Variants in CFAP20DC observed in about 807,000 individuals in gnomAD.
The protein encoded by CFAP20DC is protein CFAP20DC.
Under a neutral mutation model 101.7 loss-of-function variants are expected in CFAP20DC, and 84 were observed. That is an observed-to-expected ratio of 0.83 (90% CI 0.69 to 0.99). The LOEUF (loss-of-function observed/expected upper bound fraction) is 0.99. Ranked by LOEUF, CFAP20DC falls within the 50% of genes least tolerant of loss-of-function variation. CFAP20DC has a pLI of 0.00. For synonymous variants in CFAP20DC, 359 were observed against 351.2 expected (o/e 1.02, Z -0.25); for missense variants, 1,007 against 970.3 (o/e 1.04, Z -0.50).
At chr3:58,997,291 T>C (rs929595473) in intron 4 of CFAP20DC, among the ~76,000 whole-genome samples, 2 of 152,238 alleles carry the variant, frequency 1.3e-5, no homozygotes, top group African/African-American at 4.8e-5. Flanking sequence ...TTATTATCTC[T>C]ACCCTATAGA....
chr3:58,815,930 A>T (rs2107835947), intron 14 of CFAP20DC, among the ~76,000 whole-genome samples: 1 of 151,704 alleles, frequency 6.6e-6, no homozygotes, highest in South Asian at 2.1e-4. Context: ...AACTAGTTCA[A>T]CCATTGTGGA....
rs60270814 is a variant in CFAP20DC, at chr3:58,966,474, GTA to G, written c.279-28714_279-28713del. ...AAATATCATTGAAATATACATATGT[GTA>G]TATATATATATATACACATATGTGT... On this transcript the variant is annotated intron_variant, in intron 4 of 16. Coordinates refer to ENST00000482387, the MANE Select transcript of CFAP20DC (RefSeq NM_001394063.1). Among the ~76,000 whole-genome samples the G allele has an allele frequency of 2.5e-3, 292 of 114,574 alleles. No homozygotes were observed. The Middle Eastern group carries it at 0.026, about 10-fold the overall frequency. 75.2% of individuals were successfully genotyped at this position (114,574 alleles called of 152,430 possible).
At chr3:58,948,175 C>T (rs529465505) in intron 4 of CFAP20DC, among the ~76,000 whole-genome samples, 2 of 152,326 alleles carry the variant, frequency 1.3e-5, no homozygotes, top group South Asian at 4.1e-4. Context: ...GAGTGGACTG[C>T]CACAATGACA....
At chr3:58,765,853 G>C (rs971149342) in intron 15 of CFAP20DC, among the ~76,000 whole-genome samples, 6 of 152,168 alleles carry the variant, frequency 3.9e-5, no homozygotes, top group Non-Finnish European at 2.9e-5. Flanking sequence ...TTTATGGCCA[G>C]AGAACAGACT....
intron 14 of CFAP20DC, among the ~76,000 whole-genome samples, chr3:58,818,529 C>A (rs1211987373): frequency 6.6e-6 from 1 of 150,620 alleles, no homozygotes. Flanking sequence ...CAACAAAGAT[C>A]AAAAGAGACA....
intron 4 of CFAP20DC, among the ~76,000 whole-genome samples, chr3:58,978,249 T>C (rs1209910046): frequency 6.6e-6 from 1 of 152,242 alleles, no homozygotes; most frequent in Non-Finnish European, 1.5e-5. Context: ...TGCCTTATAA[T>C]AGCATCCTAT....
chr3:58,961,800 T>C (rs2091162796), intron 4 of CFAP20DC, among the ~76,000 whole-genome samples: 1 of 152,178 alleles, frequency 6.6e-6, no homozygotes, highest in African/African-American at 2.4e-5. Flanking sequence ...CCAAATTGTC[T>C]ATGGAGTTGG....
rs116342785 is a variant in CFAP20DC at position 59,045,168 on chromosome 3, T to C, written c.205+1061A>G. On this transcript the variant is annotated intron_variant, in intron 3 of 16. Transcript: ENST00000482387. ...ACTTTAAAATAAATCATCTTTCACT[T>C]ATAACTTCTATGGCTAGTTTATGTC... 4.8e-3 allele frequency among the ~76,000 whole-genome samples: 724 copies of C among 152,244 alleles called. 3 individuals carry two copies. The highest frequency in any genetic ancestry group is 0.017 in the African/African-American group (696 of 41,564).
At position 58,742,450 on chromosome 3, in the gene CFAP20DC, G is replaced by C; in HGVS notation, c.*10C>G. ...CTGGGAGTGCCTGCTCTCTGCCCCG[G>C]AAGGAGGCATTATACCAACTCATAG... is the stretch of plus-strand genomic sequence containing the variant. On this transcript the variant is annotated 3_prime_UTR_variant, in exon 17 of 17. Coordinates refer to ENST00000482387, the MANE Select transcript of CFAP20DC (RefSeq NM_001394063.1). The C allele has an allele frequency of 1.9e-6, 3 of 1,588,254 alleles. No individual in the cohort carries two copies. Among genetic ancestry groups the C allele is most frequent in the Non-Finnish European group, 2.6e-6 (3 of 1,167,010 alleles).
intron 6 of CFAP20DC, among the ~76,000 whole-genome samples, chr3:58,891,409 A>T (rs907127541): frequency 7.0e-6 from 1 of 142,626 alleles, no homozygotes; most frequent in Non-Finnish European, 1.5e-5. Flanking sequence ...CCGTGGAAAG[A>T]GAGGGAGACC....
At chr3:59,021,199 A>C (rs1230754744) in intron 4 of CFAP20DC, among the ~76,000 whole-genome samples, 1 of 152,134 alleles carries the variant, frequency 6.6e-6, no homozygotes, top group Non-Finnish European at 1.5e-5. Flanking sequence ...CTTAGTGCTT[A>C]AATGACTGCA....
chr3:59,047,119 C>T, intron 2 of CFAP20DC, 46 bp downstream of exon 2: 1 of 1,248,250 alleles, frequency 8.0e-7, no homozygotes, highest in Non-Finnish European at 1.1e-6. Flanking sequence ...AAGCTTCACT[C>T]ACATTTCTTC....
chr3:58,802,172 C>A (rs996306203), intron 15 of CFAP20DC, among the ~76,000 whole-genome samples: 5 of 152,164 alleles, frequency 3.3e-5, no homozygotes, highest in Admixed American at 1.3e-4. Flanking sequence ...GAATATCTTA[C>A]GTTTTTCTGA....
In CFAP20DC at chr3:58,721,421, C is replaced by T. The variant is rs1482433727; in HGVS notation, c.198-3793G>A. Among the ~76,000 whole-genome samples the T allele has an allele frequency of 6.6e-6, 1 of 152,044 alleles. No homozygotes were observed. The highest frequency in any genetic ancestry group is 1.5e-5 in the Non-Finnish European group (1 of 68,022). ...TACAACCATGATAGGGTACCTAGTG[C>T]TATGAATATTTATTCCAGGAGTCTG... On this transcript the variant is annotated intron_variant, in intron 3 of 3. Transcript: ENST00000486145. The surrounding 1 kb of genome is among the most constrained non-coding windows in gnomAD (Gnocchi z 5.2).
At chr3:58,783,586 G>T (rs2072041139) in intron 15 of CFAP20DC, among the ~76,000 whole-genome samples, 1 of 151,874 alleles carries the variant, frequency 6.6e-6, no homozygotes, top group Admixed American at 6.6e-5. Flanking sequence ...AATATACAAA[G>T]AACTCAGCAA....
At chr3:58,842,596 C>T (rs1649463882) in intron 13 of CFAP20DC, among the ~76,000 whole-genome samples, 1 of 152,300 alleles carries the variant, frequency 6.6e-6, no homozygotes, top group East Asian at 1.9e-4. Flanking sequence ...GAGGGGCGCC[C>T]GCCATTGCCC....
At chr3:58,757,292 T>G (rs1408439335) in intron 15 of CFAP20DC, among the ~76,000 whole-genome samples, 1 of 152,082 alleles carries the variant, frequency 6.6e-6, no homozygotes, top group East Asian at 1.9e-4. Context: ...CAGGCTTGAT[T>G]TGAATTTGTT....
chr3:59,027,184 T>C (rs2093908506), intron 4 of CFAP20DC, among the ~76,000 whole-genome samples: 1 of 152,176 alleles, frequency 6.6e-6, no homozygotes, highest in African/African-American at 2.4e-5. Flanking sequence ...TCCATTCAGA[T>C]ACAATTTCAA....
chr3:58,808,855 AGAG>A (rs2074350424), intron 14 of CFAP20DC, among the ~76,000 whole-genome samples: 2 of 152,320 alleles, frequency 1.3e-5, no homozygotes, highest in South Asian at 4.2e-4. Flanking sequence ...GCTCAAAATA[AGAG>A]GATGGAGGAA....
Sources: gnomAD v4.1 joint callset for allele counts (sites outside exome capture counted in the v4.1 genomes callset) on GRCh38, gnomAD v4.1.1 for gene constraint, Gnocchi (gnomAD v3.1) non-coding constraint, MANE v1.5 for transcripts, NCBI Gene and HGNC (gene_info 2026-07-23, HGNC 2026-07-21) for gene names.